Variants in SSBP3 observed in about 807,000 individuals in gnomAD.
SSBP3 encodes the protein single-stranded DNA-binding protein 3.
SSBP3 carries 5 observed loss-of-function variants against 69.6 expected under a neutral mutation model. That is an observed-to-expected ratio of 0.07 (90% CI 0.04 to 0.15). The LOEUF is 0.15. Ranked by LOEUF, SSBP3 falls within the 10% of genes least tolerant of loss-of-function variation. The probability of loss-of-function intolerance (pLI) is 1.00; values close to 1 mark genes in which losing one functional copy is unlikely to be tolerated. For missense variants in SSBP3, 312 were observed against 534.0 expected (o/e 0.58, Z 4.10); for synonymous variants, 196 against 193.4 (o/e 1.01, Z -0.11).
intron 4 of SSBP3, among the ~76,000 whole-genome samples, chr1:54,363,244 C>T (rs1438551368): frequency 6.6e-6 from 1 of 152,108 alleles, no homozygotes; most frequent in Admixed American, 6.5e-5. Flanking sequence ...AACTGCAAAC[C>T]TCCTAACCAC....
intron 4 of SSBP3, among the ~76,000 whole-genome samples, chr1:54,344,645 G>C (rs767324251): frequency 2.6e-5 from 4 of 152,124 alleles, no homozygotes; most frequent in Non-Finnish European, 5.9e-5. Flanking sequence ...AAGAATTGGG[G>C]GAAACATCCG....
intron 4 of SSBP3, among the ~76,000 whole-genome samples, chr1:54,351,186 T>G (rs746475229): frequency 1.3e-5 from 2 of 152,126 alleles, no homozygotes; most frequent in Non-Finnish European, 2.9e-5. Flanking sequence ...GTGAAAAAAG[T>G]AAAGTAAAAG....
chr1:54,238,617 C>A (rs1287865847), intron 14 of SSBP3: 4 of 326,542 alleles, frequency 1.2e-5, no homozygotes, highest in Non-Finnish European at 2.5e-5. Context: ...CAACATCACC[C>A]AAGGGCTGCA....
At chr1:54,276,613 A>C (rs1225617242) in intron 5 of SSBP3, among the ~76,000 whole-genome samples, 2 of 124,472 alleles carry the variant, frequency 1.6e-5, no homozygotes, top group Non-Finnish European at 1.8e-5. Flanking sequence ...TGTCTCAAAA[A>C]AAAAAAAAAA....
At chr1:54,357,809 G>C (rs1012045635) in intron 4 of SSBP3, among the ~76,000 whole-genome samples, 2 of 152,204 alleles carry the variant, frequency 1.3e-5, no homozygotes, top group Non-Finnish European at 2.9e-5. Context: ...TGGCACCCAG[G>C]GAGCAGGGAT....
chr1:54,317,829 G>A (rs1231372241), intron 4 of SSBP3, among the ~76,000 whole-genome samples: 4 of 152,026 alleles, frequency 2.6e-5, no homozygotes, highest in East Asian at 1.9e-4. Context: ...GCAATGGTGC[G>A]ATTTTGGCTC....
chr1:54,249,487 G>A (rs1307338072), intron 9 of SSBP3, among the ~76,000 whole-genome samples: 1 of 152,022 alleles, frequency 6.6e-6, no homozygotes, highest in Non-Finnish European at 1.5e-5. Flanking sequence ...TTGAGCCCAG[G>A]AGTTCAAGAC....
intron 4 of SSBP3, among the ~76,000 whole-genome samples, chr1:54,359,728 G>A (rs972855047): frequency 3.3e-5 from 5 of 152,146 alleles, no homozygotes; most frequent in African/African-American, 1.2e-4. Flanking sequence ...GGGCACTTCC[G>A]TGGAGCAAAG....
At chr1:54,252,797 C>A (rs1202329321) in intron 7 of SSBP3, among the ~76,000 whole-genome samples, 1 of 152,224 alleles carries the variant, frequency 6.6e-6, no homozygotes, top group Admixed American at 6.5e-5. Flanking sequence ...GGACCTCATC[C>A]CTTAGGGCTT....
intron 5 of SSBP3, among the ~76,000 whole-genome samples, chr1:54,276,636 T>C (rs893304996): frequency 2.6e-5 from 2 of 78,134 alleles, no homozygotes; most frequent in Non-Finnish European, 5.0e-5. Flanking sequence ...AAAAAAAAGG[T>C]GTCAGCTACT....
At chr1:54,316,705 T>TA (rs1217975788) in intron 4 of SSBP3, among the ~76,000 whole-genome samples, 3,641 of 80,472 alleles carry the variant, frequency 0.045, 126 homozygotes, top group Non-Finnish European at 0.058. Flanking sequence ...AATAAATAAA[T>TA]AAATAAAATA....
intron 7 of SSBP3, among the ~76,000 whole-genome samples, chr1:54,254,749 A>C (rs1314567547): frequency 6.6e-6 from 1 of 152,210 alleles, no homozygotes; most frequent in Admixed American, 6.5e-5. Flanking sequence ...ATACCTGTGG[A>C]AGGGGCACAT....
intron 4 of SSBP3, among the ~76,000 whole-genome samples, chr1:54,344,146 A>G (rs916626249): frequency 6.6e-6 from 1 of 152,138 alleles, no homozygotes; most frequent in Non-Finnish European, 1.5e-5. Context: ...ACTGGACTTG[A>G]GCTTGTAAGG....
intron 5 of SSBP3, among the ~76,000 whole-genome samples, chr1:54,261,595 C>A (rs1385743295): frequency 1.3e-5 from 2 of 152,120 alleles, no homozygotes; most frequent in African/African-American, 4.8e-5. Flanking sequence ...CTTTTCCATG[C>A]AGGACATCTC....
chr1:54,402,276 G>C (rs565514201), intron 3 of SSBP3, among the ~76,000 whole-genome samples: 7 of 152,158 alleles, frequency 4.6e-5, no homozygotes, highest in Non-Finnish European at 4.4e-5. Context: ...GCTCCAAGGG[G>C]TTAGTAGAAC....
chr1:54,411,891 C>CAAAAA (rs71066917), intron 1 of SSBP3, among the ~76,000 whole-genome samples: 1 of 88,014 alleles, frequency 1.1e-5, no homozygotes, highest in Non-Finnish European at 2.1e-5. Flanking sequence ...GACTCCGTCT[C>CAAAAA]AAAAAAAAAA....
At chr1:54,315,824 G>C (rs1360344444) in intron 4 of SSBP3, among the ~76,000 whole-genome samples, 1 of 151,950 alleles carries the variant, frequency 6.6e-6, no homozygotes, top group East Asian at 1.9e-4. Context: ...ACTATGCCCA[G>C]CTGATTTTTT....
chr1:54,376,692 A>G (rs1647250100), intron 4 of SSBP3, among the ~76,000 whole-genome samples: 1 of 152,176 alleles, frequency 6.6e-6, no homozygotes, highest in Non-Finnish European at 1.5e-5. Context: ...AAATTACATC[A>G]AACATCTAAA....
intron 4 of SSBP3, among the ~76,000 whole-genome samples, chr1:54,379,766 T>C (rs1647470601): frequency 6.6e-6 from 1 of 152,172 alleles, no homozygotes; most frequent in African/African-American, 2.4e-5. Context: ...AAGTCCTGCT[T>C]TCTCTGGACA....
Sources: gnomAD v4.1 joint callset for allele counts (sites outside exome capture counted in the v4.1 genomes callset) on GRCh38, gnomAD v4.1.1 for gene constraint, MANE v1.5 for transcripts, NCBI Gene and HGNC (gene_info 2026-07-23, HGNC 2026-07-21) for gene names.